The following SPATA17 variants were observed in gnomAD, a reference collection of about 807,000 sequenced individuals.
The protein encoded by SPATA17 is spermatogenesis-associated protein 17.
Under a neutral mutation model 62.2 loss-of-function variants are expected in SPATA17, and 53 were observed. That is an observed-to-expected ratio of 0.85 (90% CI 0.68 to 1.07). SPATA17 has a LOEUF of 1.07. Among genes scored for constraint, SPATA17 ranks in the 50% least tolerant of loss-of-function variants. The pLI, the probability that SPATA17 is intolerant of heterozygous loss-of-function variation, is 0.00. For missense variants in SPATA17, 466 were observed against 425.5 expected (o/e 1.10, Z -0.84); for synonymous variants, 146 against 146.8 (o/e 0.99, Z 0.04).
At chr1:217,642,827 T>C (rs1340196772) in intron 1 of SPATA17, among the ~76,000 whole-genome samples, 2 of 152,218 alleles carry the variant, frequency 1.3e-5, no homozygotes, top group African/African-American at 4.8e-5. Context: ...ACGTCCTTTA[T>C]TGATAAGGAG....
intron 8 of SPATA17, among the ~76,000 whole-genome samples, chr1:217,786,795 C>CTTCTTCTTT (rs1558050866): frequency 6.6e-6 from 1 of 150,866 alleles, no homozygotes; most frequent in African/African-American, 2.4e-5. Context: ...TCTTCTTCTT[C>CTTCTTCTTT]TTCTTCTTCT....
At chr1:217,753,413 G>A (rs1672962667) in intron 6 of SPATA17, among the ~76,000 whole-genome samples, 1 of 151,586 alleles carries the variant, frequency 6.6e-6, no homozygotes, top group Non-Finnish European at 1.5e-5. Context: ...TATCATTTTA[G>A]GCCTATCTTT....
rs1360155148 is a variant in SPATA17, at chr1:217,869,042, A to AC, written c.*2024dup. On this transcript the variant is annotated 3_prime_UTR_variant, in exon 11 of 11. Coordinates refer to ENST00000366933, the MANE Select transcript of SPATA17 (RefSeq NM_138796.4). ...GGCCAAGGTTAAGGACATGCCCTTGACACTGCACCTGTCAGTACAGGTCCT... is the reference window on the plus strand; with the variant it reads ...GGCCAAGGTTAAGGACATGCCCTTGACCACTGCACCTGTCAGTACAGGTCCT... 1 of 152,224 alleles carries AC rather than the reference A, an allele frequency of 6.6e-6. No homozygotes were observed. The highest frequency in any genetic ancestry group is 1.5e-5 in the Non-Finnish European group (1 of 68,068). 9.4% of individuals were successfully genotyped at this position (152,224 alleles called of 1,614,324 possible).
At chr1:217,747,163 AAATTT>A (rs1287108417) in intron 6 of SPATA17, among the ~76,000 whole-genome samples, 1 of 152,110 alleles carries the variant, frequency 6.6e-6, no homozygotes, top group African/African-American at 2.4e-5. Flanking sequence ...TTCCATTTGT[AAATTT>A]AATTTATCTT....
intron 9 of SPATA17, among the ~76,000 whole-genome samples, chr1:217,828,955 G>A (rs1450731489): frequency 2.0e-5 from 3 of 152,072 alleles, no homozygotes; most frequent in African/African-American, 7.2e-5. Context: ...ATGTTGGTGA[G>A]GGTGTAGAGA....
intron 2 of SPATA17, among the ~76,000 whole-genome samples, chr1:217,649,274 T>C (rs932306309): frequency 5.3e-5 from 8 of 151,582 alleles, no homozygotes; most frequent in African/African-American, 1.9e-4. Context: ...AGGTCAGGAG[T>C]TTGAGATCAG....
At chr1:217,831,857 G>A (rs1309736583) in intron 9 of SPATA17, among the ~76,000 whole-genome samples, 1 of 152,080 alleles carries the variant, frequency 6.6e-6, no homozygotes, top group East Asian at 1.9e-4. Flanking sequence ...TATGTCATAT[G>A]TGTATTACCT....
At chr1:217,780,365 A>G (rs1331199835) in intron 7 of SPATA17, among the ~76,000 whole-genome samples, 2 of 152,306 alleles carry the variant, frequency 1.3e-5, no homozygotes, top group East Asian at 3.9e-4. Flanking sequence ...TTGCAAAGAC[A>G]TAGGGGCATG....
intron 1 of SPATA17, among the ~76,000 whole-genome samples, chr1:217,632,394 A>G (rs1332237705): frequency 1.3e-5 from 2 of 152,114 alleles, no homozygotes; most frequent in Non-Finnish European, 2.9e-5. Flanking sequence ...AACTTAAAAG[A>G]AACTGCAAAA....
At chr1:217,795,463 G>A (rs1240448721) in intron 8 of SPATA17, among the ~76,000 whole-genome samples, 2 of 148,602 alleles carry the variant, frequency 1.3e-5, no homozygotes, top group African/African-American at 5.0e-5. Context: ...TCCGCCTCTG[G>A]CGTTCAATTG....
intron 5 of SPATA17, among the ~76,000 whole-genome samples, chr1:217,701,325 ATG>A (rs1014297331): frequency 6.6e-6 from 1 of 151,126 alleles, no homozygotes; most frequent in African/African-American, 2.4e-5. Flanking sequence ...GTGTATATAT[ATG>A]TGTGTATATA....
At chr1:217,847,107 G>C (rs1424951337) in intron 9 of SPATA17, among the ~76,000 whole-genome samples, 2 of 151,818 alleles carry the variant, frequency 1.3e-5, no homozygotes, top group Non-Finnish European at 2.9e-5. Flanking sequence ...GAGTTTTAAG[G>C]AGGCAACAAT....
In SPATA17 at chr1:217,631,465, G is replaced by A; in HGVS notation, c.68+19G>A. The stretch of plus-strand genomic sequence containing the variant: ...GGAACAGGTAAGTCAGGAAGAGAAG[G>A]ATCGCGTAAAGGGCGGGCGTGACTT... On this transcript the variant is annotated intron_variant, in intron 1 of 10. Transcript: ENST00000366933. The A allele has an allele frequency of 6.2e-7, 1 of 1,613,924 alleles. No homozygotes were observed. The highest frequency in any genetic ancestry group is 8.5e-7 in the Non-Finnish European group (1 of 1,179,818).
rs141533296 is a variant in SPATA17 at position 217,651,172 on chromosome 1, T to G, written c.234T>G (p.Thr78=). The G allele has an allele frequency of 1.2e-4, 192 of 1,603,450 alleles. No individual in the cohort carries two copies. The African/African-American group carries it at 2.2e-3, about 19-fold the overall frequency. The change falls in exon 3 of 11, where the codon ACT becomes ACG. Residue 78 remains threonine, a synonymous_variant. Coordinates refer to ENST00000366933, the MANE Select transcript of SPATA17 (RefSeq NM_138796.4). ...SFLGRKQYQL[T]VQVAYYTMMM... ...TAGGCAGAAAGCAATATCAACTAAC[T>G]GTGCAGGTAAATATAAAATGTACAT... is the stretch of plus-strand genomic sequence containing the variant.
chr1:217,748,782 A>C (rs980083741), intron 6 of SPATA17, among the ~76,000 whole-genome samples: 1 of 151,738 alleles, frequency 6.6e-6, no homozygotes, highest in South Asian at 2.1e-4. Context: ...CTTCCAAATC[A>C]CTTATTACTT....
intron 8 of SPATA17, among the ~76,000 whole-genome samples, chr1:217,783,132 T>C (rs1489898623): frequency 6.6e-6 from 1 of 150,678 alleles, no homozygotes; most frequent in Admixed American, 6.6e-5. Context: ...ATTATAATCA[T>C]TTATTGCATT....
intron 5 of SPATA17, among the ~76,000 whole-genome samples, chr1:217,716,842 G>T (rs549429965): frequency 3.3e-5 from 5 of 152,322 alleles, no homozygotes; most frequent in African/African-American, 1.2e-4. Context: ...CATTTATTTA[G>T]CACCTATCGT....
chr1:217,631,820 G>A (rs1054236773), intron 1 of SPATA17, among the ~76,000 whole-genome samples: 2 of 152,154 alleles, frequency 1.3e-5, no homozygotes, highest in South Asian at 4.1e-4. Flanking sequence ...TCTACCTAGG[G>A]ATTTGAGCCT....
At chr1:217,734,702 G>A (rs1672473158) in intron 5 of SPATA17, among the ~76,000 whole-genome samples, 1 of 152,158 alleles carries the variant, frequency 6.6e-6, no homozygotes, top group African/African-American at 2.4e-5. Flanking sequence ...TGACTCTGCA[G>A]CTTTAGGAAT....
Sources: gnomAD v4.1 joint callset for allele counts (sites outside exome capture counted in the v4.1 genomes callset) on GRCh38, gnomAD v4.1.1 for gene constraint, MANE v1.5 for transcripts, NCBI Gene and HGNC (gene_info 2026-07-23, HGNC 2026-07-21) for gene names.